Variants in SIM1 observed in about 807,000 individuals in gnomAD.
The protein encoded by SIM1 is single-minded homolog 1.
A neutral mutation model predicts 78.2 loss-of-function variants in SIM1; 18 were observed. That is an observed-to-expected ratio of 0.23 (90% CI 0.16 to 0.34). The LOEUF is 0.34. Among genes scored for constraint, SIM1 ranks in the 10% least tolerant of loss-of-function variants. SIM1 has a pLI of 1.00. For synonymous variants in SIM1, 417 were observed against 385.2 expected, an observed-to-expected ratio of 1.08 and a Z score of -0.97; for missense variants, 939 against 975.1, an observed-to-expected ratio of 0.96 and a Z score of 0.49.
In SIM1 at chr6:100,463,681, C is replaced by A; in HGVS notation, c.-213G>T. 2.0e-6 allele frequency: 1 copy of A among 491,044 alleles called. No individual in the cohort carries two copies. The allele number at this position is 491,044 out of a possible 1,614,324, so 30.4% of individuals were successfully genotyped here. On this transcript the variant is annotated 5_prime_UTR_variant, in exon 2 of 12. Coordinates refer to ENST00000369208, the MANE Select transcript of SIM1 (RefSeq NM_005068.3). Reference sequence around the variant, plus strand: ...ATATGTTCTTTGAAAATTCGGGATGCAGTATAGGAAAGTTGCTGATCCACC... The same window carrying A: ...ATATGTTCTTTGAAAATTCGGGATGAAGTATAGGAAAGTTGCTGATCCACC...
At chr6:100,402,342 C>A (rs889689662) in intron 10 of SIM1, among the ~76,000 whole-genome samples, 2 of 152,030 alleles carry the variant, frequency 1.3e-5, no homozygotes, top group African/African-American at 4.8e-5. Flanking sequence ...AGGCCACTAG[C>A]CAGTCATCTA....
chr6:100,396,683 CA>C (rs1401393772), intron 10 of SIM1, among the ~76,000 whole-genome samples: 1 of 152,146 alleles, frequency 6.6e-6, no homozygotes, highest in African/African-American at 2.4e-5. Flanking sequence ...TATAAATTTG[CA>C]CCAGTGGGCA....
At chr6:100,444,063 C>T (rs1435122167) in intron 9 of SIM1, among the ~76,000 whole-genome samples, 1 of 151,994 alleles carries the variant, frequency 6.6e-6, no homozygotes, top group Non-Finnish European at 1.5e-5. Flanking sequence ...AGAACCAAGA[C>T]TCTTAATTTT....
chr6:100,450,345 G>A lies in SIM1; in HGVS notation c.270C>T (p.Gly90=), dbSNP rs767927771. 3.1e-6 allele frequency: 5 copies of A among 1,613,932 alleles called. No individual in the cohort carries two copies. The highest frequency in any genetic ancestry group is 2.2e-5 in the East Asian group (1 of 44,894). ...LGSHLLQTLD[G]FIFVVAPDGK... The stretch of plus-strand genomic sequence containing the variant: ...CATCTGGGGCTACCACGAAGATGAA[G>A]CCATCCAGGGTCTGGGGAGGCACAA... The change falls in exon 4 of 12, where the codon GGC becomes GGT. Residue 90 remains glycine, a synonymous_variant. Coordinates refer to ENST00000369208, the MANE Select transcript of SIM1 (RefSeq NM_005068.3).
At chr6:100,421,062 G>T in intron 9 of SIM1, 104 bp from the exon 10 acceptor site, 2 of 1,214,702 alleles carry the variant, frequency 1.6e-6, no homozygotes, top group South Asian at 1.6e-5. Flanking sequence ...AAGAAGGCAA[G>T]CAAAAGTTAG....
chr6:100,448,084 C>G, intron 8 of SIM1, 62 bp downstream of exon 8: 2 of 1,368,522 alleles, frequency 1.5e-6, no homozygotes, highest in Non-Finnish European at 2.0e-6. Flanking sequence ...TCGTGGCTCC[C>G]CCACCCCCTA....
intron 10 of SIM1, among the ~76,000 whole-genome samples, chr6:100,417,533 AC>A (rs1275684928): frequency 1.3e-5 from 2 of 152,184 alleles, no homozygotes; most frequent in African/African-American, 2.4e-5. Flanking sequence ...TTATTCCTTA[AC>A]AGTATACAAA....
At position 100,390,977 on chromosome 6, in the gene SIM1, C is replaced by T. The variant is rs745619889; in HGVS notation, c.1685G>A (p.Ser562Asn). 6.2e-7 allele frequency: 1 copy of T among 1,614,088 alleles called. No individual in the cohort carries two copies. Among genetic ancestry groups the T allele is most frequent in the South Asian group, 1.1e-5 (1 of 91,084 alleles). Residue 562 changes from serine (S) to asparagine (N), a missense_variant, in exon 12 of 12, where the codon AGC (serine) becomes AAC (asparagine). Ser to Asn is a conservative substitution (Grantham distance 46). Coordinates refer to ENST00000369208, the MANE Select transcript of SIM1 (RefSeq NM_005068.3). ...EQYQSSPHEP[S>N]KIETLIRATQ... ...GGCTCTTATAAGAGTTTCAATTTTG[C>T]TGGGTTCATGTGGGCTACTTTGATA...
At chr6:100,435,194 A>C (rs1194377172) in intron 9 of SIM1, among the ~76,000 whole-genome samples, 1 of 152,206 alleles carries the variant, frequency 6.6e-6, no homozygotes, top group Non-Finnish European at 1.5e-5. Context: ...CATATTAAAA[A>C]AGAGAGTAAA....
rs1006377061 is a variant in SIM1, at chr6:100,393,952, A to G, written c.1168-63T>C. 12 of 1,487,670 alleles carry G rather than the reference A, an allele frequency of 8.1e-6. No individual in the cohort carries two copies. The African/African-American group carries it at 1.7e-4, about 21-fold the overall frequency. The allele number at this position is 1,487,670 out of a possible 1,614,324, so 92.2% of individuals were successfully genotyped here. A position where few individuals can be genotyped will look rare whatever the true frequency, so the allele number is the denominator to read the frequency against. On this transcript the variant is annotated intron_variant, in intron 10 of 11. Transcript: ENST00000369208. ...TCAATCGATCAGTAAGAGAAAACAAACAAACAAAAAACAGCCTTTATTTAC... is the reference window on the plus strand; with the variant it reads ...TCAATCGATCAGTAAGAGAAAACAAGCAAACAAAAAACAGCCTTTATTTAC...
intron 10 of SIM1, among the ~76,000 whole-genome samples, chr6:100,403,571 A>G (rs1392261771): frequency 6.6e-6 from 1 of 152,256 alleles, no homozygotes; most frequent in East Asian, 1.9e-4. Flanking sequence ...AATGCACAGA[A>G]TATAACTTTA....
At chr6:100,447,586 G>A (rs17060614) in intron 8 of SIM1, among the ~76,000 whole-genome samples, 171 bp from the exon 9 acceptor site, 1 of 152,084 alleles carries the variant, frequency 6.6e-6, no homozygotes, top group South Asian at 2.1e-4. Context: ...ATTGTCCCGT[G>A]GTATTGCATC....
Position 100,385,306 on chromosome 6 carries a change from C to T in SIM1, c.*5055G>A, listed in dbSNP as rs1309880854. The T allele has an allele frequency of 6.6e-6, 1 of 151,926 alleles. No homozygotes were observed. Among genetic ancestry groups the T allele is most frequent in the African/African-American group, 2.4e-5 (1 of 41,446 alleles). The allele number at this position is 151,926 out of a possible 1,614,324, so 9.4% of individuals were successfully genotyped here. A position where few individuals can be genotyped will look rare whatever the true frequency, so the allele number is the denominator to read the frequency against. On this transcript the variant is annotated 3_prime_UTR_variant, in exon 12 of 12. Transcript: ENST00000369208. Reference sequence around the variant, plus strand: ...CTCACAAATATAATCCTTTTTATAGCACATTAGTCAAAAAACAAATGTAAA... The same window carrying T: ...CTCACAAATATAATCCTTTTTATAGTACATTAGTCAAAAAACAAATGTAAA...
chr6:100,450,237 G>A (rs192307167), intron 4 of SIM1, 30 bp downstream of exon 4: 2 of 1,576,186 alleles, frequency 1.3e-6, no homozygotes, highest in South Asian at 2.2e-5. Context: ...TGTAAACACT[G>A]CAGGTGGGAT....
At chr6:100,464,561 C>T (rs1486106852) in intron 1 of SIM1, 53 bp downstream of exon 1, 1 of 152,172 alleles carries the variant, frequency 6.6e-6, no homozygotes, top group African/African-American at 2.4e-5. Flanking sequence ...CCCACACCAC[C>T]GCGGAGCTGC....
chr6:100,457,739 T>A (rs1772708019), intron 2 of SIM1, among the ~76,000 whole-genome samples: 2 of 152,238 alleles, frequency 1.3e-5, no homozygotes, highest in South Asian at 4.1e-4. Context: ...ACCCCACCTC[T>A]GGCACTGCTG....
chr6:100,388,243 T>TA lies in SIM1; in HGVS notation c.*2117dup, dbSNP rs1770555737. On this transcript the variant is annotated 3_prime_UTR_variant, in exon 12 of 12. Transcript: ENST00000369208. ...ACCCCCATATAATCAAATTCTCACA[T>TA]ACTCAAGTCCTGCCTGTTGGCCCTG... 6.6e-6 allele frequency: 1 copy of TA among 152,214 alleles called. No homozygotes were observed. Among genetic ancestry groups the TA allele is most frequent in the African/African-American group, 2.4e-5 (1 of 41,468 alleles). The allele number at this position is 152,214 out of a possible 1,614,324, so 9.4% of individuals were successfully genotyped here.
chr6:100,390,448 G>A lies in SIM1; in HGVS notation c.2214C>T (p.His738=). 1 of 1,614,150 alleles carries A rather than the reference G, an allele frequency of 6.2e-7. No individual in the cohort carries two copies. Among genetic ancestry groups the A allele is most frequent in the Non-Finnish European group, 8.5e-7 (1 of 1,180,020 alleles). The change falls in exon 12 of 12, where the codon CAC becomes CAT. Residue 738 remains histidine, a synonymous_variant. Coordinates refer to ENST00000369208, the MANE Select transcript of SIM1 (RefSeq NM_005068.3). ...RNYSLGCNGS[H]FDVTSHLRMQ... is the part of the protein sequence containing the mutation. ...TCCTCAGATGGGAAGTTACATCAAAGTGTGAGCCATTACAGCCCAAGGAAT... is the reference window on the plus strand; with the variant it reads ...TCCTCAGATGGGAAGTTACATCAAAATGTGAGCCATTACAGCCCAAGGAAT...
chr6:100,390,857 T>A lies in SIM1; in HGVS notation c.1805A>T (p.His602Leu). 6.2e-7 allele frequency: 1 copy of A among 1,613,912 alleles called. No individual in the cohort carries two copies. The change falls in exon 12 of 12, where the codon CAC (histidine) becomes CTC (leucine). Residue 602 changes from histidine (H) to leucine (L), a missense_variant. Transcript: ENST00000369208. ...TTGGTAGTTTGCAAAACACAGGGAG[T>A]GTTTTTTCCCAGCCCCATTAATGGA... ...LASINGAGKK[H>L]SLCFANYQQP... is the part of the protein sequence containing the mutation.
Sources: gnomAD v4.1 joint callset for allele counts (sites outside exome capture counted in the v4.1 genomes callset) on GRCh38, gnomAD v4.1.1 for gene constraint, MANE v1.5 for transcripts, NCBI Gene and HGNC (gene_info 2026-07-23, HGNC 2026-07-21) for gene names.